The following ACSM3 variants were observed in gnomAD, a reference collection of about 807,000 sequenced individuals.
ACSM3 encodes the protein acyl-coenzyme A synthetase ACSM3, mitochondrial.
A neutral mutation model predicts 74.1 loss-of-function variants in ACSM3; 61 were observed. The ratio of observed to expected loss-of-function variants is 0.82; its 90% CI spans 0.67 to 1.02. The LOEUF (loss-of-function observed/expected upper bound fraction) is 1.02, where lower values mean the gene tolerates loss of function less well. Among genes scored for constraint, ACSM3 ranks in the 50% least tolerant of loss-of-function variants. The pLI is 0.00. For missense variants in ACSM3, 660 were observed against 697.0 expected (o/e 0.95, Z 0.60); for synonymous variants, 213 against 241.5 (o/e 0.88, Z 1.09).
chr16:20,773,244 T>C (rs1375150123), intron 2 of ACSM3, among the ~76,000 whole-genome samples: 1 of 152,110 alleles, frequency 6.6e-6, no homozygotes, highest in Non-Finnish European at 1.5e-5. Flanking sequence ...CTGATTTTAT[T>C]TATTTGGGTC....
At chr16:20,759,124 G>T (rs1778807393), upstream of ACSM3, among the ~76,000 whole-genome samples, 2 of 152,120 alleles carry the variant, frequency 1.3e-5, no homozygotes, top group South Asian at 4.1e-4. Context: ...TGATTAGAGG[G>T]TTAGAACTTT....
chr16:20,712,693 G>A (rs1370483446), intron 1 of ACSM3, among the ~76,000 whole-genome samples: 1 of 151,734 alleles, frequency 6.6e-6, no homozygotes, highest in Non-Finnish European at 1.5e-5. Context: ...ATCACCTGAG[G>A]TCAGGAGTTT....
intron 1 of ACSM3, among the ~76,000 whole-genome samples, chr16:20,683,316 T>C (rs1305241121): frequency 2.6e-5 from 4 of 151,896 alleles, no homozygotes; most frequent in African/African-American, 7.3e-5. Context: ...TTAGTAGAGA[T>C]AGGTTTTCAC....
At chr16:20,697,829 G>A (rs907257790) in intron 1 of ACSM3, 1 of 152,280 alleles carries the variant, frequency 6.6e-6, no homozygotes, top group East Asian at 1.9e-4. Flanking sequence ...AATTCAGTAG[G>A]GGGAGGAGAT....
intron 1 of ACSM3, among the ~76,000 whole-genome samples, chr16:20,700,195 A>G (rs1327853030): frequency 6.6e-6 from 1 of 152,200 alleles, no homozygotes. Flanking sequence ...TCTGCTTATT[A>G]TAGAAAACCT....
chr16:20,786,080 G>C lies in ACSM3; in HGVS notation c.1146G>C (p.Val382=). 2 of 1,584,582 alleles carry C rather than the reference G, an allele frequency of 1.3e-6. No individual in the cohort carries two copies. Among genetic ancestry groups the C allele is most frequent in the Non-Finnish European group, 1.7e-6 (2 of 1,164,408 alleles). ...IYEGYGQTET[V]LICGNFKGMK... ...TACTTTTTCTTCTTCTTAACTAGGT[G>C]CTAATCTGTGGAAATTTTAAGGGAA... Residue 382 remains valine, a splice_region_variant and synonymous_variant, in exon 9 of 14, where the codon GTG becomes GTC. Coordinates refer to ENST00000289416, the MANE Select transcript of ACSM3 (RefSeq NM_005622.4).
At chr16:20,789,338 G>C in intron 9 of ACSM3, 1 of 668,174 alleles carries the variant, frequency 1.5e-6, no homozygotes, top group South Asian at 1.9e-5. Flanking sequence ...TGAGGAATAG[G>C]TACATGTCAA....
upstream of ACSM3, among the ~76,000 whole-genome samples, chr16:20,761,191 C>T (rs1174000670): frequency 6.6e-6 from 1 of 152,134 alleles, no homozygotes; most frequent in Non-Finnish European, 1.5e-5. Context: ...TCACTGCAAC[C>T]TCCACCTCCC....
At chr16:20,744,582 ACCATGTTGG>A (rs2079950219) in intron 1 of ACSM3, among the ~76,000 whole-genome samples, 1 of 152,164 alleles carries the variant, frequency 6.6e-6, no homozygotes, top group South Asian at 2.1e-4. Flanking sequence ...ATGGGGTTTC[ACCATGTTGG>A]CCAGGCTGAT....
At chr16:20,728,176 C>T (rs867456018) in intron 1 of ACSM3, 44 of 321,464 alleles carry the variant, frequency 1.4e-4, no homozygotes, top group African/African-American at 7.9e-4. Context: ...ATAATTTGTG[C>T]CAATCAGAAA....
chr16:20,691,190 G>A lies in ACSM3; in HGVS notation c.-190+16368G>A, dbSNP rs779753746. The A allele has an allele frequency of 1.9e-6, 3 of 1,568,046 alleles. No homozygotes were observed. In the South Asian group the frequency reaches 3.6e-5, roughly 19 times the overall value. Reference sequence around the variant, plus strand: ...CCGGAACCTCATTAGCCACTGCATGGTGAAACAGTCCTCAGAAACCAGGCA... The same window carrying A: ...CCGGAACCTCATTAGCCACTGCATGATGAAACAGTCCTCAGAAACCAGGCA... On this transcript the variant is annotated intron_variant, in intron 1 of 3. Transcript: ENST00000561584.
intron 3 of ACSM3, among the ~76,000 whole-genome samples, chr16:20,756,933 T>C (rs1210991482): frequency 6.6e-6 from 1 of 152,082 alleles, no homozygotes; most frequent in Non-Finnish European, 1.5e-5. Context: ...TTGTCAAAGA[T>C]CAGATAGTTG....
chr16:20,697,521 C>A (rs1442994210), intron 1 of ACSM3: 1 of 148,696 alleles, frequency 6.7e-6, no homozygotes, highest in Non-Finnish European at 1.5e-5. Context: ...GGTCACTCAA[C>A]TTAAAAGTAG....
chr16:20,791,146 A>C (rs539935864), intron 10 of ACSM3, among the ~76,000 whole-genome samples: 10 of 152,364 alleles, frequency 6.6e-5, no homozygotes, highest in Non-Finnish European at 1.3e-4. Context: ...TAATCACAGT[A>C]TACAAATTAG....
chr16:20,785,188 T>C (rs1437851432), intron 8 of ACSM3, 81 bp downstream of exon 8: 21 of 1,542,922 alleles, frequency 1.4e-5, no homozygotes, highest in Non-Finnish European at 1.8e-5. Context: ...AGTCTCCTTA[T>C]GATTATTTGA....
At chr16:20,684,043 A>G (rs2079502505) in intron 1 of ACSM3, among the ~76,000 whole-genome samples, 1 of 152,212 alleles carries the variant, frequency 6.6e-6, no homozygotes, top group Non-Finnish European at 1.5e-5. Flanking sequence ...GATCAAGAGT[A>G]TGGCAGAGTG....
chr16:20,782,980 AT>A (rs1354427946), intron 7 of ACSM3, among the ~76,000 whole-genome samples: 1 of 152,046 alleles, frequency 6.6e-6, no homozygotes, highest in Non-Finnish European at 1.5e-5. Flanking sequence ...TACTTCAGGG[AT>A]TTTTTTGGAG....
intron 3 of ACSM3, among the ~76,000 whole-genome samples, chr16:20,755,784 C>CT (rs148319839): frequency 3.7e-5 from 3 of 80,800 alleles, no homozygotes; most frequent in Non-Finnish European, 7.7e-5. Context: ...ATCCCTCCCC[C>CT]CCCCCCACCC....
chr16:20,738,235 G>A, intron 1 of ACSM3: 1 of 494,090 alleles, frequency 2.0e-6, no homozygotes, highest in Non-Finnish European at 3.9e-6. Context: ...GTGATGTCCT[G>A]AGTTATCCAA....
Sources: gnomAD v4.1 joint callset for allele counts (sites outside exome capture counted in the v4.1 genomes callset) on GRCh38, gnomAD v4.1.1 for gene constraint, MANE v1.5 for transcripts, NCBI Gene and HGNC (gene_info 2026-07-23, HGNC 2026-07-21) for gene names.